Variants in CPLX2 observed in about 807,000 individuals in gnomAD.
CPLX2 encodes the protein complexin 2.
CPLX2 carries 5 observed loss-of-function variants against 16.3 expected under a neutral mutation model. The observed-to-expected ratio is 0.31, with a 90% CI of 0.16 to 0.64. The LOEUF is 0.64. CPLX2 is among the 30% of genes least tolerant of loss of function. The probability of loss-of-function intolerance (pLI) is 0.79; values close to 1 mark genes in which losing one functional copy is unlikely to be tolerated. For missense variants in CPLX2, 144 were observed against 181.4 expected, an observed-to-expected ratio of 0.79 and a Z score of 1.18; for synonymous variants, 89 against 73.2, an observed-to-expected ratio of 1.22 and a Z score of -1.10.
chr5:175,858,931 G>A (rs774621144), intron 2 of CPLX2, among the ~76,000 whole-genome samples: 16 of 152,170 alleles, frequency 1.1e-4, no homozygotes, highest in East Asian at 1.9e-4. Context: ...AAGATAGTCC[G>A]AAGGATCACT....
intron 2 of CPLX2, among the ~76,000 whole-genome samples, chr5:175,854,203 A>T (rs1432470596): frequency 6.6e-6 from 1 of 152,044 alleles, no homozygotes; most frequent in African/African-American, 2.4e-5. Context: ...TCCTTTGACC[A>T]GCTCTTTTCT....
At chr5:175,857,439 ATCG>A (rs764922247) in intron 2 of CPLX2, among the ~76,000 whole-genome samples, 2 of 152,208 alleles carry the variant, frequency 1.3e-5, no homozygotes, top group Non-Finnish European at 2.9e-5. Flanking sequence ...CAATAAACCC[ATCG>A]TAAGTTGAAA....
At chr5:175,869,717 T>TC (rs941113247), upstream of CPLX2, among the ~76,000 whole-genome samples, 2 of 152,188 alleles carry the variant, frequency 1.3e-5, no homozygotes, top group African/African-American at 4.8e-5. Flanking sequence ...CAACCTGCCC[T>TC]CATTTGACCT....
chr5:175,871,486 A>AGAGAGAGAGAGAGAGG, upstream of CPLX2: 1 of 141,548 alleles, frequency 7.1e-6, no homozygotes, highest in Non-Finnish European at 1.5e-5. Context: ...AGAGAGAGAG[A>AGAGAGAGAGAGAGAGG]TTTGAATTTC....
At chr5:175,838,135 T>C (rs914996297) in intron 2 of CPLX2, among the ~76,000 whole-genome samples, 3 of 152,122 alleles carry the variant, frequency 2.0e-5, no homozygotes, top group Admixed American at 1.3e-4. Context: ...GACGGAAACA[T>C]AGACCGGGAA....
Position 175,839,692 on chromosome 5 carries a change from A to G in CPLX2, c.-89+30624A>G, listed in dbSNP as rs368184947. 2.9e-4 allele frequency among the ~76,000 whole-genome samples: 44 copies of G among 152,380 alleles called. 1 individual carries two copies. The South Asian group carries it at 8.9e-3, about 31-fold the overall frequency. On this transcript the variant is annotated intron_variant, in intron 2 of 4. Coordinates refer to the CPLX2 transcript ENST00000359546. ...ACATACAAGGTAAAACCAAGATTAC[A>G]TTAAACATTATTTTATCCTCTGCAC...
chr5:175,878,995 C>T lies in CPLX2; in HGVS notation c.119C>T (p.Ala40Val). 2.5e-6 allele frequency: 4 copies of T among 1,599,328 alleles called. No individual in the cohort carries two copies. The highest frequency in any genetic ancestry group is 2.3e-5 in the East Asian group (1 of 43,942). Residue 40 changes from alanine to valine, a missense_variant, in exon 3 of 4, where the codon GCG becomes GTG. Physicochemically the swap from Ala to Val is moderately conservative, Grantham distance 64. Transcript: ENST00000393745. Reference protein sequence around the residue: ...AQKKEEERQEALRQQEEERKA... With the variant: ...AQKKEEERQEVLRQQEEERKA... ...AAAAAGGAGGAGGAGCGGCAGGAGG[C>T]GCTGCGGCAGCAGGAGGAGGAGCGT...
intron 1 of CPLX2, among the ~76,000 whole-genome samples, chr5:175,799,539 C>CATATATATATTTTTAT (rs1227041477): frequency 4.2e-5 from 3 of 72,276 alleles, no homozygotes; most frequent in African/African-American, 1.1e-4. Context: ...TTGCAAATTT[C>CATATATATATTTTTAT]ATATATATAT....
intron 2 of CPLX2, among the ~76,000 whole-genome samples, chr5:175,814,845 T>A (rs1758377335): frequency 6.6e-6 from 1 of 152,064 alleles, no homozygotes; most frequent in Non-Finnish European, 1.5e-5. Context: ...CCTCCTTGCA[T>A]CACTCGGCTC....
chr5:175,872,792 T>C lies in CPLX2; in HGVS notation c.-89+1087T>C, dbSNP rs930710019. On this transcript the variant is annotated intron_variant, in intron 1 of 3. Coordinates refer to ENST00000393745, the MANE Select transcript of CPLX2 (RefSeq NM_001008220.2). This position sits in a 1 kb window ranked among gnomAD's most constrained non-coding sequence, Gnocchi z 5.0. ...AGAAGCAAATGAGTGTTGAATTGAG[T>C]TGCGGTGAATATAGCCCAGACTTGA... 4 of 152,170 alleles carry C rather than the reference T, an allele frequency of 2.6e-5. No individual in the cohort carries two copies. The highest frequency in any genetic ancestry group is 4.8e-5 in the African/African-American group (2 of 41,420). The allele number at this position is 152,170 out of a possible 1,614,324, so 9.4% of individuals were successfully genotyped here.
chr5:175,871,454 A>AGAGAGG (rs1236355225), upstream of CPLX2: 8 of 135,548 alleles, frequency 5.9e-5, no homozygotes, highest in Non-Finnish European at 9.8e-5. Flanking sequence ...AGAGAGAGAG[A>AGAGAGG]GAGAGAGAGA....
Position 175,880,296 on chromosome 5 carries a change from G to GA in CPLX2, c.*251_*252insA. The GA allele has an allele frequency of 1.8e-6, 1 of 561,946 alleles. No individual in the cohort carries two copies. Among genetic ancestry groups the GA allele is most frequent in the Middle Eastern group, 2.7e-4 (1 of 3,642 alleles). 34.8% of individuals were successfully genotyped at this position (561,946 alleles called of 1,614,324 possible). ...TCTTTCCCCAGCAGGGGTCAGGGGGGCCCCTCAGGAAGCCTAAGGTCGTGC... is the reference window on the plus strand; with the variant it reads ...TCTTTCCCCAGCAGGGGTCAGGGGGGACCCCTCAGGAAGCCTAAGGTCGTGC... On this transcript the variant is annotated 3_prime_UTR_variant, in exon 4 of 4. Coordinates refer to ENST00000393745, the MANE Select transcript of CPLX2 (RefSeq NM_001008220.2).
rs891015950 is a variant in CPLX2, at chr5:175,830,439, T to C, written c.-89+21371T>C. Among the ~76,000 whole-genome samples the C allele has an allele frequency of 6.6e-6, 1 of 151,918 alleles. No homozygotes were observed. Among genetic ancestry groups the C allele is most frequent in the African/African-American group, 2.4e-5 (1 of 41,334 alleles). ...CTGTCTCCTTCCCCGCCCCCGGAGG[T>C]GCGTGATGCCCCCACAGAGGAGAGT... is the stretch of plus-strand genomic sequence containing the variant. On this transcript the variant is annotated intron_variant, in intron 2 of 4. Transcript: ENST00000359546. The surrounding 1 kb of genome is among the most constrained non-coding windows in gnomAD (Gnocchi z 4.0).
chr5:175,810,486 G>A (rs1290362880), intron 2 of CPLX2, among the ~76,000 whole-genome samples: 1 of 152,178 alleles, frequency 6.6e-6, no homozygotes, highest in Non-Finnish European at 1.5e-5. Flanking sequence ...GCTCTTGCAG[G>A]ACAAGAGCTG....
chr5:175,868,936 A>G (rs79107102), upstream of CPLX2, among the ~76,000 whole-genome samples: 4,486 of 152,324 alleles, frequency 0.029, 228 homozygotes, highest in African/African-American at 0.1. Flanking sequence ...CATCTTGAAC[A>G]TAAGTGCTTG....
At chr5:175,825,615 T>C (rs1046295155) in intron 2 of CPLX2, among the ~76,000 whole-genome samples, 14 of 152,184 alleles carry the variant, frequency 9.2e-5, no homozygotes, top group Non-Finnish European at 4.4e-5. Context: ...TGTTTTCCTC[T>C]GGTCCAGTAA....
chr5:175,876,189 C>A (rs748512036), intron 1 of CPLX2, among the ~76,000 whole-genome samples: 1 of 152,204 alleles, frequency 6.6e-6, no homozygotes, highest in Non-Finnish European at 1.5e-5. Flanking sequence ...TGCATGAAGG[C>A]AAGGCTTTGT....
At chr5:175,846,947 G>T (rs953157409) in intron 2 of CPLX2, among the ~76,000 whole-genome samples, 1 of 152,204 alleles carries the variant, frequency 6.6e-6, no homozygotes. Context: ...GGGCAACCTT[G>T]GGCACGTTGA....
chr5:175,828,676 G>A (rs988322080), intron 2 of CPLX2, among the ~76,000 whole-genome samples: 1 of 152,126 alleles, frequency 6.6e-6, no homozygotes, highest in Non-Finnish European at 1.5e-5. Context: ...GTGAGGCGCT[G>A]TCCCTCTCTG....
Sources: allele counts gnomAD v4.1 joint callset (sites outside exome capture counted in the v4.1 genomes callset), GRCh38; gene constraint gnomAD v4.1.1; non-coding constraint Gnocchi (gnomAD v3.1); transcripts MANE v1.5; gene names NCBI Gene and HGNC (gene_info 2026-07-23, HGNC 2026-07-21).